CDC42BPB: variants seen among roughly 807,000 people sequenced by gnomAD.
CDC42BPB encodes the protein CDC42 binding protein kinase beta, also known as serine/threonine-protein kinase MRCK beta.
Under a neutral mutation model 214.9 loss-of-function variants are expected in CDC42BPB, and 37 were observed. The ratio of observed to expected loss-of-function variants is 0.17; its 90% CI spans 0.13 to 0.23. The LOEUF is 0.23. Among genes scored for constraint, CDC42BPB ranks in the 10% least tolerant of loss-of-function variants. CDC42BPB has a pLI of 1.00. For synonymous variants in CDC42BPB, 931 were observed against 884.0 expected, an observed-to-expected ratio of 1.05 and a Z score of -0.94; for missense variants, 1,694 against 2,227.0, an observed-to-expected ratio of 0.76 and a Z score of 4.82.
In CDC42BPB at chr14:103,053,272, G is replaced by A. The variant is rs374974550; in HGVS notation, c.175+3727C>T. On this transcript the variant is annotated intron_variant, in intron 1 of 36. Transcript: ENST00000361246. ...CTGAGGCAGAGAATTGCTTGAACCC[G>A]GGAGGCGGAGGTTGCAGTGAGCCAA... Among the ~76,000 whole-genome samples, 17 of 152,062 alleles carry A rather than the reference G, an allele frequency of 1.1e-4. No individual in the cohort carries two copies. The East Asian group carries it at 1.6e-3, about 14-fold the overall frequency.
intron 13 of CDC42BPB, among the ~76,000 whole-genome samples, chr14:102,970,772 G>C (rs1893438652): frequency 6.6e-6 from 1 of 152,128 alleles, no homozygotes. Context: ...TTCCTCATTA[G>C]GGGTATCACT....
chr14:102,939,323 A>G (rs1425331390), intron 34 of CDC42BPB, among the ~76,000 whole-genome samples: 1 of 152,254 alleles, frequency 6.6e-6, no homozygotes, highest in Non-Finnish European at 1.5e-5. Context: ...CCTCATGGCA[A>G]ACGTCCTTAG....
In CDC42BPB at chr14:103,001,976, A is replaced by G. The variant is rs1282213645; in HGVS notation, c.447+1952T>C. 2.0e-5 allele frequency among the ~76,000 whole-genome samples: 3 copies of G among 152,240 alleles called. No individual in the cohort carries two copies. The highest frequency in any genetic ancestry group is 4.4e-5 in the Non-Finnish European group (3 of 68,040). On this transcript the variant is annotated intron_variant, in intron 4 of 36. Transcript: ENST00000361246. This position sits in a 1 kb window ranked among gnomAD's most constrained non-coding sequence, Gnocchi z 5.8. The stretch of plus-strand genomic sequence containing the variant: ...CCACTCCAGAATGAGAATCAGACCT[A>G]GTCTGTCCTGTCACAGAACGCGGGG...
chr14:102,962,001 G>T (rs992166836), intron 20 of CDC42BPB, among the ~76,000 whole-genome samples: 1 of 152,082 alleles, frequency 6.6e-6, no homozygotes. Context: ...TTTTAAAAGC[G>T]GGCAAACAAT....
chr14:102,947,645 C>A, intron 27 of CDC42BPB, 76 bp downstream of exon 27: 1 of 1,298,332 alleles, frequency 7.7e-7, no homozygotes, highest in Non-Finnish European at 1.1e-6. Context: ...TGATGGCTGC[C>A]GCAGCACAAT....
chr14:103,039,746 T>C (rs916391890), intron 1 of CDC42BPB, among the ~76,000 whole-genome samples: 1 of 152,118 alleles, frequency 6.6e-6, no homozygotes, highest in Non-Finnish European at 1.5e-5. Flanking sequence ...TACCCTACAC[T>C]GTACTGAAGG....
intron 8 of CDC42BPB, 59 bp downstream of exon 8, chr14:102,980,714 A>C (rs1210664036): frequency 1.3e-6 from 2 of 1,536,208 alleles, no homozygotes; most frequent in Non-Finnish European, 1.8e-6. Context: ...CGCCCTCAAC[A>C]CAGCACTGCA....
At chr14:103,023,018 CT>C (rs1425788115) in intron 1 of CDC42BPB, among the ~76,000 whole-genome samples, 60 of 145,542 alleles carry the variant, frequency 4.1e-4, no homozygotes, top group Admixed American at 4.1e-4. Context: ...TTTTCCTTTT[CT>C]TTTTTTTTTT....
chr14:102,941,505 C>T (rs1306119868), intron 30 of CDC42BPB: 1 of 985,332 alleles, frequency 1.0e-6, no homozygotes, highest in Admixed American at 6.1e-5. Flanking sequence ...CCTGTGAGGC[C>T]TCTGAGAACC....
chr14:103,041,244 C>T (rs1038867090), intron 1 of CDC42BPB, among the ~76,000 whole-genome samples: 3 of 152,084 alleles, frequency 2.0e-5, no homozygotes, highest in African/African-American at 4.8e-5. Flanking sequence ...TGAATGTAAC[C>T]CCTCTACCTC....
rs1291386827 is a variant in CDC42BPB at position 103,057,023 on chromosome 14, A to G, written c.151T>C (p.Tyr51His). 2.2e-5 allele frequency: 33 copies of G among 1,496,142 alleles called. No homozygotes were observed. Among genetic ancestry groups the G allele is most frequent in the African/African-American group, 2.9e-5 (2 of 69,076 alleles). 92.7% of individuals were successfully genotyped at this position (1,496,142 alleles called of 1,614,324 possible). The change falls in exon 1 of 37, where the codon TAC becomes CAC. Residue 51 changes from tyrosine (Y) to histidine (H), a missense_variant. By Grantham distance (83) the Tyr-to-His change is moderately conservative. Transcript: ENST00000361246. ...CSHSALRRDK[Y>H]VAEFLEWAKP... ...CCCCACTCGAGGAACTCGGCCACGT[A>G]CTTGTCGCGGCGCAGGGCCGAGTGG...
intron 14 of CDC42BPB, among the ~76,000 whole-genome samples, chr14:102,969,479 A>G (rs1893374753): frequency 6.6e-6 from 1 of 152,208 alleles, no homozygotes; most frequent in Non-Finnish European, 1.5e-5. Context: ...CTCGGGCACC[A>G]CATGCCGAGG....
chr14:103,038,715 C>CGGGGGGG (rs34311134), intron 1 of CDC42BPB, among the ~76,000 whole-genome samples: 3 of 29,154 alleles, frequency 1.0e-4, no homozygotes, highest in Admixed American at 5.7e-4. Flanking sequence ...TTTGTAGAGA[C>CGGGGGGG]GGGGGGGGGG....
At chr14:103,038,968 A>G (rs940613847) in intron 1 of CDC42BPB, among the ~76,000 whole-genome samples, 1 of 152,216 alleles carries the variant, frequency 6.6e-6, no homozygotes, top group Non-Finnish European at 1.5e-5. Context: ...TAACAGAAGT[A>G]AAGAAGATTA....
intron 19 of CDC42BPB, among the ~76,000 whole-genome samples, chr14:102,964,275 C>G (rs1288624994): frequency 2.0e-5 from 3 of 152,254 alleles, no homozygotes; most frequent in Non-Finnish European, 4.4e-5. Context: ...GCACCACACC[C>G]CCCCGCGGCA....
At position 103,034,646 on chromosome 14, in the gene CDC42BPB, C is replaced by T. The variant is rs138345164; in HGVS notation, c.175+22353G>A. ...CCAACCTGGCCAACATGGGGAAACC[C>T]CATCTCTACTGAAAATACAAAATTA... On this transcript the variant is annotated intron_variant, in intron 1 of 36. Transcript: ENST00000361246. Among the ~76,000 whole-genome samples the T allele has an allele frequency of 8.2e-3, 1,252 of 152,124 alleles. 24 individuals carry two copies. Among genetic ancestry groups the T allele is most frequent in the African/African-American group, 0.028 (1,149 of 41,498 alleles).
At chr14:102,963,190 A>C (rs746166360) in intron 19 of CDC42BPB, 35 bp from the exon 20 acceptor site, 21 of 1,565,434 alleles carry the variant, frequency 1.3e-5, no homozygotes, top group Non-Finnish European at 1.8e-5. Flanking sequence ...AAGTGCACTG[A>C]GAAGAGGTTG....
chr14:103,047,645 T>C, intron 1 of CDC42BPB, among the ~76,000 whole-genome samples: 1 of 152,160 alleles, frequency 6.6e-6, no homozygotes, highest in East Asian at 1.9e-4. Context: ...GACTCATGCC[T>C]GTAATCCTGA....
chr14:103,002,590 A>G (rs1174768821), intron 4 of CDC42BPB, among the ~76,000 whole-genome samples: 2 of 152,170 alleles, frequency 1.3e-5, no homozygotes, highest in Non-Finnish European at 1.5e-5. Context: ...GGGTCCTGGG[A>G]GCAGGGACAC....
Sources: gnomAD v4.1 joint callset for allele counts (sites outside exome capture counted in the v4.1 genomes callset) on GRCh38, gnomAD v4.1.1 for gene constraint, Gnocchi (gnomAD v3.1) non-coding constraint, MANE v1.5 for transcripts, NCBI Gene and HGNC (gene_info 2026-07-23, HGNC 2026-07-21) for gene names.